The following DHDDS variants were observed in gnomAD, a reference collection of about 807,000 sequenced individuals.
The protein encoded by DHDDS is dehydrodolichyl diphosphate synthase subunit.
A neutral mutation model predicts 46.2 loss-of-function variants in DHDDS; 16 were observed. The observed-to-expected ratio is 0.35, with a 90% CI of 0.23 to 0.53. DHDDS has a LOEUF of 0.53. Among genes scored for constraint, DHDDS ranks in the 20% least tolerant of loss-of-function variants. The pLI is 0.94. For synonymous variants in DHDDS, 151 were observed against 163.1 expected (o/e 0.93, Z 0.56); for missense variants, 340 against 423.7 (o/e 0.80, Z 1.73).
At position 26,439,914 on chromosome 1, in the gene DHDDS, G is replaced by A. The variant is rs559357386; in HGVS notation, c.180+1630G>A. ...CCAGCACTTTGGGAGGCTGAGGTGC[G>A]CGGATCATGAGGTCAGGAGATCAAG... is the stretch of plus-strand genomic sequence containing the variant. On this transcript the variant is annotated intron_variant, in intron 3 of 8. Coordinates refer to ENST00000236342, the MANE Select transcript of DHDDS (RefSeq NM_205861.3). 3.0e-3 allele frequency among the ~76,000 whole-genome samples: 464 copies of A among 152,332 alleles called. 1 individual carries two copies. Among genetic ancestry groups the A allele is most frequent in the Admixed American group, 7.3e-3 (111 of 15,290 alleles).
chr1:26,471,261 TG>T lies in DHDDS; in HGVS notation c.*2131del, dbSNP rs2075555696. The T allele has an allele frequency of 6.6e-6, 1 of 152,220 alleles. No homozygotes were observed. The highest frequency in any genetic ancestry group is 1.5e-5 in the Non-Finnish European group (1 of 68,050). 9.4% of individuals were successfully genotyped at this position (152,220 alleles called of 1,614,324 possible). ...TTTGAGGACATCTATCGTATTCTTG[TG>T]TGCTGGGTCTCAAATAGAATTTTTA... On this transcript the variant is annotated 3_prime_UTR_variant, in exon 9 of 9. Transcript: ENST00000236342.
chr1:26,455,444 A>G (rs1570354268), intron 6 of DHDDS, among the ~76,000 whole-genome samples: 1 of 152,088 alleles, frequency 6.6e-6, no homozygotes, highest in East Asian at 1.9e-4. Context: ...GCCTTAAAGG[A>G]CTGAGAGAGA....
At chr1:26,439,912 G>A (rs1415082892) in intron 3 of DHDDS, among the ~76,000 whole-genome samples, 2 of 152,196 alleles carry the variant, frequency 1.3e-5, no homozygotes, top group East Asian at 1.9e-4. Flanking sequence ...AGGCTGAGGT[G>A]CGCGGATCAT....
chr1:26,454,590 G>GTTT, intron 6 of DHDDS: 3 of 654,040 alleles, frequency 4.6e-6, no homozygotes, highest in Non-Finnish European at 7.4e-6. Context: ...AATGGGCCCT[G>GTTT]TTTTTTTTTT....
chr1:26,438,319 C>A, intron 3 of DHDDS, 35 bp downstream of exon 3: 2 of 1,580,784 alleles, frequency 1.3e-6, no homozygotes, highest in South Asian at 2.2e-5. Flanking sequence ...AGTGAACAGT[C>A]TGTGGAGAGG....
intron 8 of DHDDS, among the ~76,000 whole-genome samples, chr1:26,464,053 C>G (rs575170590): frequency 7.4e-6 from 1 of 135,908 alleles, no homozygotes; most frequent in East Asian, 2.2e-4. Flanking sequence ...AGAACAGTGG[C>G]ATGATCTCGG....
Position 26,469,331 on chromosome 1 carries a change from T to C in DHDDS, c.*200T>C. The C allele has an allele frequency of 1.0e-6, 1 of 971,962 alleles. No individual in the cohort carries two copies. The highest frequency in any genetic ancestry group is 1.5e-6 in the Non-Finnish European group (1 of 653,876). 60.2% of individuals were successfully genotyped at this position (971,962 alleles called of 1,614,324 possible). On this transcript the variant is annotated 3_prime_UTR_variant, in exon 9 of 9. Transcript: ENST00000236342. ...ACAGGCTCCTGAGGAGGATTGAGGG[T>C]GAAAGTCTCCCACGAGTACACTAAA...
At chr1:26,434,013 A>G (rs1353614001) in intron 2 of DHDDS, among the ~76,000 whole-genome samples, 1 of 152,104 alleles carries the variant, frequency 6.6e-6, no homozygotes, top group African/African-American at 2.4e-5. Context: ...GGATTATAGG[A>G]CTGAGCCACT....
At chr1:26,454,584 G>A in intron 6 of DHDDS, 1 of 782,684 alleles carries the variant, frequency 1.3e-6, no homozygotes, top group Non-Finnish European at 2.1e-6. Context: ...AGGACAAATG[G>A]GCCCTGTTTT....
rs778932088 is a variant in DHDDS at position 26,433,048 on chromosome 1, G to C, written c.63+40G>C. 8.7e-6 allele frequency: 14 copies of C among 1,605,794 alleles called. No individual in the cohort carries two copies. In the South Asian group the frequency reaches 1.5e-4, roughly 18 times the overall value. On this transcript the variant is annotated intron_variant, in intron 2 of 8. Transcript: ENST00000236342. ...AGAGCACCGGTTGGCCTTCTGGTCAGTTGGATAATCTTATATAAAAACCTG... is the reference window on the plus strand; with the variant it reads ...AGAGCACCGGTTGGCCTTCTGGTCACTTGGATAATCTTATATAAAAACCTG...
chr1:26,447,859 C>A, intron 6 of DHDDS, 199 bp downstream of exon 6: 2 of 645,438 alleles, frequency 3.1e-6, no homozygotes, highest in Middle Eastern at 4.1e-4. Context: ...CAGGCCTGTA[C>A]CAAACCATAA....
chr1:26,467,910 C>T (rs946919644), intron 8 of DHDDS, among the ~76,000 whole-genome samples: 1 of 152,216 alleles, frequency 6.6e-6, no homozygotes, highest in African/African-American at 2.4e-5. Flanking sequence ...TTCCGCTCTT[C>T]TGTATCAGGA....
chr1:26,438,655 G>A (rs1445750422), intron 3 of DHDDS: 14 of 298,670 alleles, frequency 4.7e-5, no homozygotes, highest in Non-Finnish European at 7.9e-5. Flanking sequence ...AGCCCAGGAA[G>A]CTTGAGGCTG....
rs1200582229 is a variant in DHDDS, at chr1:26,438,054, C to T, written c.64-114C>T. 2.9e-6 allele frequency: 3 copies of T among 1,042,240 alleles called. No homozygotes were observed. In the East Asian group the frequency reaches 7.2e-5, roughly 25 times the overall value. 64.6% of individuals were successfully genotyped at this position (1,042,240 alleles called of 1,614,324 possible). A position where few individuals can be genotyped will look rare whatever the true frequency, so the allele number is the denominator to read the frequency against. ...AGTTAAAAGCACAAAGTACCCAATTCCCTTCGTCAGGGTTTTCATCACATA... is the reference window on the plus strand; with the variant it reads ...AGTTAAAAGCACAAAGTACCCAATTTCCTTCGTCAGGGTTTTCATCACATA... On this transcript the variant is annotated intron_variant, in intron 2 of 8. Coordinates refer to ENST00000236342, the MANE Select transcript of DHDDS (RefSeq NM_205861.3).
At chr1:26,445,879 C>T (rs1039897997) in intron 4 of DHDDS, among the ~76,000 whole-genome samples, 6 of 151,916 alleles carry the variant, frequency 3.9e-5, no homozygotes, top group African/African-American at 1.5e-4. Context: ...AAAAATTAGC[C>T]AGGCCTGGTG....
chr1:26,467,287 A>G (rs1262857659), intron 8 of DHDDS: 1 of 470,696 alleles, frequency 2.1e-6, no homozygotes, highest in Non-Finnish European at 4.4e-6. Flanking sequence ...AAAATCCTGT[A>G]TGTAGCACCC....
chr1:26,455,078 T>C (rs1296833207), intron 6 of DHDDS: 8 of 864,052 alleles, frequency 9.3e-6, no homozygotes, highest in East Asian at 7.2e-5. Flanking sequence ...ATGCATACCC[T>C]TGATGGCCTG....
At chr1:26,433,090 T>A (rs1432528630) in intron 2 of DHDDS, 82 bp downstream of exon 2, 3 of 1,432,972 alleles carry the variant, frequency 2.1e-6, no homozygotes, top group Non-Finnish European at 2.9e-6. Flanking sequence ...AAGTTGATGA[T>A]GTTAAGTGCA....
chr1:26,469,000 G>A lies in DHDDS; in HGVS notation c.871G>A (p.Asp291Asn), dbSNP rs1458034796. ...GCGAGAGGGGCTCCAAGCCAGTGGG[G>A]ACGCCCAGCTCCGAAGGACACGCTT... is the stretch of plus-strand genomic sequence containing the variant. ...LLREGLQASG[D>N]AQLRRTRLHK... Residue 291 changes from aspartate (D) to asparagine (N), a missense_variant, in exon 9 of 9, where the codon GAC becomes AAC. This residue lies in a region of DHDDS where 268 missense variants were observed against 300.3 expected (regional missense o/e 0.89). Coordinates refer to ENST00000236342, the MANE Select transcript of DHDDS (RefSeq NM_205861.3). 3.1e-6 allele frequency: 5 copies of A among 1,614,190 alleles called. No homozygotes were observed. The South Asian group carries it at 4.4e-5, about 14-fold the overall frequency.
Sources: gnomAD v4.1 joint callset for allele counts (sites outside exome capture counted in the v4.1 genomes callset) on GRCh38, gnomAD v4.1.1 for gene constraint, gnomAD v4.1.1 regional missense constraint, MANE v1.5 for transcripts, NCBI Gene and HGNC (gene_info 2026-07-23, HGNC 2026-07-21) for gene names.